SATL1: variants seen among roughly 807,000 people sequenced by gnomAD.
SATL1 encodes spermidine/spermine N(1)-acetyltransferase-like protein 1.
In SATL1, 47 loss-of-function variants were observed where a neutral mutation model predicts 51.8. The ratio of observed to expected loss-of-function variants is 0.91; its 90% confidence interval spans 0.72 to 1.16. The LOEUF is 1.16. Among genes scored for constraint, SATL1 ranks in the 50% most tolerant of loss-of-function variants. The pLI is 0.00. For missense variants in SATL1, 520 were observed against 526.4 expected, an observed-to-expected ratio of 0.99 and a Z score of 0.12; for synonymous variants, 176 against 182.4, an observed-to-expected ratio of 0.97 and a Z score of 0.28.
chrX:85,123,783 A>G (rs12010620), intron 2 of SATL1, among the ~76,000 whole-genome samples: 15,848 of 110,666 alleles, frequency 0.14, 1,803 homozygotes, highest in African/African-American at 0.38. Context: ...GAAAACATTT[A>G]CCTACTCCTG....
At chrX:85,200,600 T>C (rs1043217140) in intron 2 of SATL1, among the ~76,000 whole-genome samples, 1 of 111,285 alleles carries the variant, frequency 9.0e-6, no homozygotes, top group Non-Finnish European at 1.9e-5. Context: ...AAGGGACTGA[T>C]GCTAGAAACT....
At chrX:85,239,079 T>C (rs28896788) in intron 1 of SATL1, among the ~76,000 whole-genome samples, 2 of 110,342 alleles carry the variant, frequency 1.8e-5, no homozygotes, top group African/African-American at 6.6e-5. Context: ...GTTGAAAGGG[T>C]TGATCTCATG....
chrX:85,120,465 T>A lies in SATL1; in HGVS notation c.-312-11185A>T, dbSNP rs72633109. Among the ~76,000 whole-genome samples, 30 of 111,289 alleles carry A rather than the reference T, an allele frequency of 2.7e-4. No individual in the cohort carries two copies. The East Asian group carries it at 8.3e-3, about 31-fold the overall frequency. On this transcript the variant is annotated intron_variant, in intron 2 of 7. Coordinates refer to ENST00000644105, the MANE Select transcript of SATL1 (RefSeq NM_001367857.2). ...AAAGGGACCAAAAAGAGCTAACAAG[T>A]TTGATGAAATTGAGAAATTGGTTTA...
At chrX:85,166,657 T>A (rs11092584) in intron 2 of SATL1, among the ~76,000 whole-genome samples, 30,329 of 109,423 alleles carry the variant, frequency 0.28, 5,054 homozygotes, top group African/African-American at 0.62. Flanking sequence ...GTGAAAAGGG[T>A]ACACTTTTAC....
chrX:85,129,429 A>G lies in SATL1; in HGVS notation c.-312-20149T>C, dbSNP rs180965575. ...AGCAATTGTGAATGGGAGTTCACTC[A>G]TGATTTGGCTCTCTGTTTGTCTGTT... On this transcript the variant is annotated intron_variant, in intron 2 of 7. Coordinates refer to ENST00000644105, the MANE Select transcript of SATL1 (RefSeq NM_001367857.2). Among the ~76,000 whole-genome samples the G allele has an allele frequency of 2.7e-5, 3 of 111,719 alleles. No individual in the cohort carries two copies. The East Asian group carries it at 8.4e-4, about 31-fold the overall frequency.
intron 6 of SATL1, 71 bp from the exon 7 acceptor site, chrX:85,093,296 A>C (rs2147677457): frequency 1.0e-6 from 1 of 982,423 alleles, no homozygotes; most frequent in African/African-American, 1.9e-5. Context: ...AGTTTAAAAT[A>C]AATAATATCT....
chrX:85,216,807 T>A (rs1355032478), intron 2 of SATL1, among the ~76,000 whole-genome samples: 2 of 111,892 alleles, frequency 1.8e-5, no homozygotes, highest in Non-Finnish European at 3.8e-5. Flanking sequence ...GTTTATGCAA[T>A]CGATGTAGCT....
At chrX:85,098,329 G>A (rs1924791888) in intron 4 of SATL1, among the ~76,000 whole-genome samples, 1 of 109,786 alleles carries the variant, frequency 9.1e-6, no homozygotes, top group African/African-American at 3.3e-5. Flanking sequence ...AATATATGAA[G>A]CAAACACTGA....
intron 2 of SATL1, among the ~76,000 whole-genome samples, chrX:85,204,736 G>A (rs975196986): frequency 9.8e-5 from 11 of 111,724 alleles, no homozygotes; most frequent in African/African-American, 3.6e-4. Flanking sequence ...ACGCACAGGG[G>A]TTATGTGACC....
chrX:85,095,050 A>G, intron 4 of SATL1, 54 bp from the exon 5 acceptor site: 1 of 670,672 alleles, frequency 1.5e-6, no homozygotes, highest in African/African-American at 2.1e-5. Flanking sequence ...AGAGAGAAGG[A>G]GATGGTGGAT....
intron 2 of SATL1, among the ~76,000 whole-genome samples, chrX:85,158,145 G>GT (rs113486056): frequency 0.072 from 7,511 of 104,811 alleles, 677 homozygotes; most frequent in African/African-American, 0.24. Context: ...ATTCATCACT[G>GT]TTTTTTTTTT....
At chrX:85,123,367 G>T (rs1925549467) in intron 2 of SATL1, among the ~76,000 whole-genome samples, 1 of 111,140 alleles carries the variant, frequency 9.0e-6, no homozygotes, top group Admixed American at 9.6e-5. Flanking sequence ...ACTGGTGTGA[G>T]ATGGTATCTC....
intron 2 of SATL1, among the ~76,000 whole-genome samples, chrX:85,154,835 T>A (rs1208182170): frequency 8.9e-6 from 1 of 112,420 alleles, no homozygotes; most frequent in African/African-American, 3.2e-5. Context: ...GAGGGGTAAA[T>A]AACAGTATAG....
At chrX:85,138,238 G>A (rs1926012006) in intron 2 of SATL1, among the ~76,000 whole-genome samples, 1 of 111,987 alleles carries the variant, frequency 8.9e-6, no homozygotes, top group South Asian at 3.7e-4. Context: ...GATAAAAGGA[G>A]TGTGAGGTTT....
intron 2 of SATL1, among the ~76,000 whole-genome samples, chrX:85,136,823 G>C (rs771055833): frequency 9.0e-6 from 1 of 111,464 alleles, no homozygotes; most frequent in Admixed American, 9.6e-5. Flanking sequence ...TCTCCCTGTA[G>C]CATTTATTAA....
chrX:85,145,392 C>T (rs997537463), intron 2 of SATL1, among the ~76,000 whole-genome samples: 1 of 111,860 alleles, frequency 8.9e-6, no homozygotes, highest in Non-Finnish European at 1.9e-5. Context: ...TGGAATAGTA[C>T]TTGGCACATA....
Position 85,107,424 on chromosome X carries a change from A to T in SATL1, c.1545T>A (p.Ser515Arg). ...GLSQPGRSQP[S>R]VSQMGMRQTS... ...TTTGCCTCATGCCCATTTGGCTCAC[A>T]CTTGGTTGGCTCCTGCCTGGTTGAC... Residue 515 changes from serine (S) to arginine (R), a missense_variant, in exon 3 of 8, where the codon AGT becomes AGA. Physicochemically the swap from Ser to Arg is moderately radical, Grantham distance 110. Around this residue, in one of 3 missense-constraint regions of SATL1, gnomAD observed 488 missense variants for 474.3 expected, o/e 1.03. Transcript: ENST00000644105. 1 of 1,211,842 alleles carries T rather than the reference A, an allele frequency of 8.3e-7. No homozygotes were observed. The highest frequency in any genetic ancestry group is 1.1e-6 in the Non-Finnish European group (1 of 895,307).
chrX:85,199,297 G>A (rs1381913379), intron 2 of SATL1, among the ~76,000 whole-genome samples: 2 of 110,892 alleles, frequency 1.8e-5, no homozygotes, highest in Admixed American at 1.9e-4. Flanking sequence ...TAGCAAGGAT[G>A]CGGAGAAAAG....
At chrX:85,234,699 C>T (rs976586069) in intron 1 of SATL1, among the ~76,000 whole-genome samples, 2 of 103,750 alleles carry the variant, frequency 1.9e-5, no homozygotes, top group African/African-American at 7.1e-5. Context: ...AATCAAAAAA[C>T]AACTACAGAT....
Sources: gnomAD v4.1 joint callset for allele counts (sites outside exome capture counted in the v4.1 genomes callset) on GRCh38, gnomAD v4.1.1 for gene constraint, gnomAD v4.1.1 regional missense constraint, MANE v1.5 for transcripts, NCBI Gene and HGNC (gene_info 2026-07-23, HGNC 2026-07-21) for gene names.